RBM6: variants seen among roughly 807,000 people sequenced by gnomAD.
RBM6 encodes the protein RNA binding motif protein 6.
RBM6 carries 23 observed loss-of-function variants against 140.4 expected under a neutral mutation model. The ratio of observed to expected loss-of-function variants is 0.16; its 90% CI spans 0.12 to 0.23. The LOEUF is 0.23. Among genes scored for constraint, RBM6 ranks in the 10% least tolerant of loss-of-function variants. RBM6 has a pLI of 1.00. For synonymous variants in RBM6, 439 were observed against 475.6 expected (o/e 0.92, Z 1.00); for missense variants, 1,139 against 1,386.7 (o/e 0.82, Z 2.84).
At chr3:49,982,208 A>C (rs887197107) in intron 5 of RBM6, among the ~76,000 whole-genome samples, 18 of 143,480 alleles carry the variant, frequency 1.3e-4, no homozygotes, top group Admixed American at 3.5e-4. Flanking sequence ...TTTTGGGTCT[A>C]CTGAAAGTGA....
intron 16 of RBM6, 144 bp downstream of exon 16, chr3:50,065,270 T>C (rs1433813445): frequency 4.6e-6 from 3 of 654,084 alleles, no homozygotes; most frequent in Non-Finnish European, 7.9e-6. Flanking sequence ...CCATTTCTTT[T>C]GAGTACAAGC....
Position 50,033,873 on chromosome 3 carries a change from C to G in RBM6, c.1558-14372C>G, listed in dbSNP as rs564522165. Among the ~76,000 whole-genome samples the G allele has an allele frequency of 9.9e-5, 15 of 152,176 alleles. No homozygotes were observed. The South Asian group carries it at 1.9e-3, about 19-fold the overall frequency. On this transcript the variant is annotated intron_variant, in intron 6 of 20. Coordinates refer to ENST00000266022, the MANE Select transcript of RBM6 (RefSeq NM_005777.3). ...GCCAGGATGGTCTCAATCTCCCGAC[C>G]TCGTGATCCCCCTGCCTTGGCCTCC...
chr3:49,967,422 T>C lies in RBM6; in HGVS notation c.45-48T>C. On this transcript the variant is annotated intron_variant, in intron 2 of 20. Coordinates refer to ENST00000266022, the MANE Select transcript of RBM6 (RefSeq NM_005777.3). This position sits in a 1 kb window ranked among gnomAD's most constrained non-coding sequence, Gnocchi z 4.0. The stretch of plus-strand genomic sequence containing the variant: ...AGAGAAGAATATGCTGGTGTGTAGA[T>C]TTCAAACTCTCTGGACAATATGAAT... The C allele has an allele frequency of 6.4e-7, 1 of 1,568,296 alleles. No homozygotes were observed. The highest frequency in any genetic ancestry group is 8.6e-7 in the Non-Finnish European group (1 of 1,157,226).
At chr3:49,976,730 C>T (rs1240259647) in intron 5 of RBM6, among the ~76,000 whole-genome samples, 1 of 152,064 alleles carries the variant, frequency 6.6e-6, no homozygotes, top group African/African-American at 2.4e-5. Context: ...CTTTAGTATT[C>T]ATTGACTTTC....
chr3:50,071,987 G>A (rs182767496), intron 19 of RBM6, among the ~76,000 whole-genome samples: 1 of 151,552 alleles, frequency 6.6e-6, no homozygotes, highest in African/African-American at 2.4e-5. Context: ...AGGAGGCTGG[G>A]GCAGAAGAAT....
At chr3:50,061,252 C>CT (rs770489573) in intron 13 of RBM6, 31 bp downstream of exon 13, 1 of 1,613,042 alleles carries the variant, frequency 6.2e-7, no homozygotes, top group Admixed American at 1.7e-5. Context: ...TTCTGTTGCT[C>CT]TTTTTTGCTT....
chr3:50,017,046 G>A (rs958695676), intron 6 of RBM6, among the ~76,000 whole-genome samples: 1 of 151,964 alleles, frequency 6.6e-6, no homozygotes, highest in Non-Finnish European at 1.5e-5. Context: ...GGCTGGTCTT[G>A]AACTCCTAGG....
chr3:50,072,083 CAAAAA>C (rs974465674), intron 19 of RBM6, among the ~76,000 whole-genome samples: 4 of 41,458 alleles, frequency 9.6e-5, no homozygotes, highest in Non-Finnish European at 1.9e-4. Context: ...GACTCTGTCT[CAAAAA>C]AAAAAAAAAA....
chr3:50,071,846 G>A (rs891692482), intron 19 of RBM6, among the ~76,000 whole-genome samples: 1 of 152,128 alleles, frequency 6.6e-6, no homozygotes, highest in African/African-American at 2.4e-5. Flanking sequence ...AGCACTTTGG[G>A]AGGCCGAGGC....
chr3:50,010,674 G>A (rs1046173196), intron 6 of RBM6, among the ~76,000 whole-genome samples: 2 of 151,492 alleles, frequency 1.3e-5, no homozygotes, highest in East Asian at 1.9e-4. Flanking sequence ...AGGCTGAGGC[G>A]GGCAGATCAC....
At chr3:49,940,820 G>T (rs996935838) in intron 1 of RBM6, 1 of 151,788 alleles carries the variant, frequency 6.6e-6, no homozygotes, top group Non-Finnish European at 1.5e-5. Flanking sequence ...TTCCATTAGC[G>T]GTGTAAATAG....
intron 15 of RBM6, 94 bp from the exon 16 acceptor site, chr3:50,064,937 G>A: frequency 1.0e-6 from 1 of 991,504 alleles, no homozygotes; most frequent in Admixed American, 2.0e-5. Context: ...CTCCCAGAGT[G>A]CTGGGATTAT....
intron 20 of RBM6, among the ~76,000 whole-genome samples, chr3:50,075,954 A>G (rs1291315380): frequency 6.6e-6 from 1 of 151,992 alleles, no homozygotes; most frequent in African/African-American, 2.4e-5. Flanking sequence ...GTATTTGTTT[A>G]ATAATGAAAG....
intron 8 of RBM6, among the ~76,000 whole-genome samples, chr3:50,054,877 G>A (rs1404451687): frequency 6.6e-6 from 1 of 152,122 alleles, no homozygotes; most frequent in African/African-American, 2.4e-5. Context: ...AGGCTGGAGT[G>A]CAGTGGCGCA....
chr3:49,941,854 C>G (rs2083296434), intron 1 of RBM6, among the ~76,000 whole-genome samples: 1 of 150,888 alleles, frequency 6.6e-6, no homozygotes, highest in Non-Finnish European at 1.5e-5. Context: ...AGGCGTGAGC[C>G]ACCGTGCCCG....
Position 50,030,215 on chromosome 3 carries a change from C to T in RBM6, c.1558-18030C>T, listed in dbSNP as rs368048608. ...GGAGAATCACTTGGGCCCAGGAAGT[C>T]GAGATTGCAGTGAGCCATGATCATG... On this transcript the variant is annotated intron_variant, in intron 6 of 20. Coordinates refer to ENST00000266022, the MANE Select transcript of RBM6 (RefSeq NM_005777.3). Among the ~76,000 whole-genome samples, 21 of 143,396 alleles carry T rather than the reference C, an allele frequency of 1.5e-4. No homozygotes were observed. The East Asian group carries it at 2.1e-3, about 14-fold the overall frequency. 94.1% of individuals were successfully genotyped at this position (143,396 alleles called of 152,430 possible). A position where few individuals can be genotyped will look rare whatever the true frequency, so the allele number is the denominator to read the frequency against.
intron 11 of RBM6, 87 bp from the exon 12 acceptor site, chr3:50,060,869 G>T: frequency 7.2e-7 from 1 of 1,385,024 alleles, no homozygotes. Context: ...GAGGAACAGA[G>T]GATTTCTCGA....
intron 1 of RBM6, among the ~76,000 whole-genome samples, chr3:49,948,731 A>C (rs1012144322): frequency 2.5e-4 from 38 of 149,642 alleles, no homozygotes; most frequent in Non-Finnish European, 4.1e-4. Context: ...AAAAAAAAAA[A>C]GAATTGCTTG....
At chr3:50,018,576 A>AGT (rs1424097263) in intron 6 of RBM6, among the ~76,000 whole-genome samples, 3 of 109,742 alleles carry the variant, frequency 2.7e-5, no homozygotes, top group Non-Finnish European at 5.4e-5. Context: ...GTATGGTAGG[A>AGT]GTGTGTTTTT....
Sources: gnomAD v4.1 joint callset for allele counts (sites outside exome capture counted in the v4.1 genomes callset) on GRCh38, gnomAD v4.1.1 for gene constraint, Gnocchi (gnomAD v3.1) non-coding constraint, MANE v1.5 for transcripts, NCBI Gene and HGNC (gene_info 2026-07-23, HGNC 2026-07-21) for gene names.